Variants in MACROD2 observed in about 807,000 individuals in gnomAD.
The protein encoded by MACROD2 is ADP-ribose glycohydrolase MACROD2.
A neutral mutation model predicts 70.4 loss-of-function variants in MACROD2; 36 were observed. The ratio of observed to expected loss-of-function variants is 0.51; its 90% CI spans 0.39 to 0.68. The LOEUF is 0.68. MACROD2 is among the 30% of genes least tolerant of loss of function. The pLI is 0.00. For missense variants in MACROD2, 496 were observed against 538.4 expected, an observed-to-expected ratio of 0.92 and a Z score of 0.78; for synonymous variants, 172 against 178.8, an observed-to-expected ratio of 0.96 and a Z score of 0.30.
chr20:14,897,473 T>G (rs1333888972), intron 5 of MACROD2, among the ~76,000 whole-genome samples: 3 of 152,174 alleles, frequency 2.0e-5, no homozygotes, highest in Non-Finnish European at 4.4e-5. Context: ...CAAATAAAAT[T>G]TAGATGTGTA....
intron 5 of MACROD2, among the ~76,000 whole-genome samples, chr20:15,080,014 C>T (rs904601883): frequency 2.0e-5 from 3 of 152,038 alleles, no homozygotes; most frequent in African/African-American, 7.2e-5. Context: ...TACACTTACC[C>T]TGGATCCCTG....
At chr20:14,054,396 A>T (rs2053609468) in intron 2 of MACROD2, among the ~76,000 whole-genome samples, 1 of 152,018 alleles carries the variant, frequency 6.6e-6, no homozygotes, top group African/African-American at 2.4e-5. Flanking sequence ...TTAGAGTAGA[A>T]GGCTGGATGG....
At chr20:14,451,041 C>T (rs2084239432) in intron 3 of MACROD2, among the ~76,000 whole-genome samples, 1 of 152,028 alleles carries the variant, frequency 6.6e-6, no homozygotes, top group Admixed American at 6.6e-5. Flanking sequence ...CCAAAACACA[C>T]TCTGAGAAGA....
At chr20:15,022,689 T>C (rs1448451504) in intron 5 of MACROD2, among the ~76,000 whole-genome samples, 2 of 152,068 alleles carry the variant, frequency 1.3e-5, no homozygotes, top group African/African-American at 4.8e-5. Context: ...TTAACTCTTC[T>C]CATTACATAG....
At chr20:15,912,887 T>C (rs2065257315) in intron 10 of MACROD2, among the ~76,000 whole-genome samples, 1 of 152,162 alleles carries the variant, frequency 6.6e-6, no homozygotes, top group African/African-American at 2.4e-5. Flanking sequence ...ATAGAGTAAG[T>C]TAGGAAAGTT....
intron 6 of MACROD2, among the ~76,000 whole-genome samples, chr20:15,355,715 A>C (rs973252610): frequency 6.6e-6 from 1 of 152,170 alleles, no homozygotes; most frequent in Non-Finnish European, 1.5e-5. Flanking sequence ...TGACTTTATC[A>C]TTAATAATAA....
intron 4 of MACROD2, among the ~76,000 whole-genome samples, chr20:14,543,788 G>A (rs1413532564): frequency 2.0e-5 from 3 of 152,158 alleles, no homozygotes; most frequent in Non-Finnish European, 2.9e-5. Flanking sequence ...TGAAGCACAA[G>A]TCCTTCTCTC....
chr20:14,439,815 A>C (rs541621272), intron 3 of MACROD2, among the ~76,000 whole-genome samples: 2 of 152,322 alleles, frequency 1.3e-5, no homozygotes, highest in East Asian at 3.9e-4. Context: ...AATGGAGTGA[A>C]AAGGTTTTTT....
At chr20:15,603,160 A>T (rs1416168279) in intron 8 of MACROD2, among the ~76,000 whole-genome samples, 1 of 152,034 alleles carries the variant, frequency 6.6e-6, no homozygotes, top group Non-Finnish European at 1.5e-5. Flanking sequence ...ACTTTGAAAC[A>T]CTCATTAATT....
intron 8 of MACROD2, among the ~76,000 whole-genome samples, chr20:15,594,987 T>A (rs6043383): frequency 0.023 from 3,473 of 152,314 alleles, 133 homozygotes; most frequent in African/African-American, 0.079. Flanking sequence ...TGTTTCGTGT[T>A]TCCAAACATT....
At chr20:15,836,391 GT>G (rs2064114743) in intron 8 of MACROD2, among the ~76,000 whole-genome samples, 1 of 152,122 alleles carries the variant, frequency 6.6e-6, no homozygotes, top group Non-Finnish European at 1.5e-5. Flanking sequence ...CCAATTGGTG[GT>G]CAGTTACACA....
intron 15 of MACROD2, among the ~76,000 whole-genome samples, chr20:16,007,218 A>G (rs1036053922): frequency 6.6e-6 from 1 of 152,350 alleles, no homozygotes; most frequent in East Asian, 1.9e-4. Context: ...GCTGCATTTT[A>G]TAAATGTTTG....
At chr20:14,412,343 T>C (rs2083759034) in intron 3 of MACROD2, among the ~76,000 whole-genome samples, 1 of 152,170 alleles carries the variant, frequency 6.6e-6, no homozygotes, top group South Asian at 2.1e-4. Flanking sequence ...ATTAAAGATG[T>C]CATGTTGGCC....
chr20:14,917,354 C>T (rs1429138536), intron 5 of MACROD2, among the ~76,000 whole-genome samples: 1 of 151,966 alleles, frequency 6.6e-6, no homozygotes, highest in Non-Finnish European at 1.5e-5. Flanking sequence ...GAAACCACTG[C>T]TGTGTGAAGG....
At chr20:15,984,422 A>T (rs1228912656) in intron 13 of MACROD2, among the ~76,000 whole-genome samples, 1 of 152,118 alleles carries the variant, frequency 6.6e-6, no homozygotes, top group Non-Finnish European at 1.5e-5. Flanking sequence ...TGTTTCTTTA[A>T]TGGTACTCAG....
intron 10 of MACROD2, among the ~76,000 whole-genome samples, chr20:15,928,145 T>A (rs943271801): frequency 6.6e-6 from 1 of 152,206 alleles, no homozygotes; most frequent in African/African-American, 2.4e-5. Context: ...AATGTCCTTG[T>A]TTGTAGAAGA....
intron 8 of MACROD2, among the ~76,000 whole-genome samples, chr20:15,584,686 C>T (rs1388681097): frequency 1.3e-5 from 2 of 152,152 alleles, no homozygotes; most frequent in African/African-American, 2.4e-5. Flanking sequence ...CGTAGTGTAC[C>T]CACAGGGGGC....
intron 5 of MACROD2, among the ~76,000 whole-genome samples, chr20:14,804,675 C>G (rs1186288075): frequency 6.6e-6 from 1 of 151,924 alleles, no homozygotes; most frequent in African/African-American, 2.4e-5. Context: ...TCCCTTCTAC[C>G]TGCCGTTCAG....
chr20:14,900,849 C>T (rs2073886966), intron 5 of MACROD2, among the ~76,000 whole-genome samples: 1 of 151,772 alleles, frequency 6.6e-6, no homozygotes, highest in Admixed American at 6.6e-5. Context: ...GCTTGCTTTG[C>T]ATTTATGTTG....
Sources: allele counts gnomAD v4.1 joint callset (sites outside exome capture counted in the v4.1 genomes callset), GRCh38; gene constraint gnomAD v4.1.1; transcripts MANE v1.5; gene names NCBI Gene and HGNC (gene_info 2026-07-23, HGNC 2026-07-21).